USB1: variants seen among roughly 807,000 people sequenced by gnomAD.
The protein encoded by USB1 is U6 snRNA phosphodiesterase 1.
In USB1, 21 loss-of-function variants were observed where a neutral mutation model predicts 29.9. That is an observed-to-expected ratio of 0.70 (90% CI 0.50 to 1.01). USB1 has a LOEUF of 1.01. USB1 is among the 50% of genes least tolerant of loss of function. The pLI, the probability that USB1 is intolerant of heterozygous loss-of-function variation, is 0.00. For missense variants in USB1, 330 were observed against 347.1 expected (o/e 0.95, Z 0.39); for synonymous variants, 143 against 134.9 (o/e 1.06, Z -0.42).
chr16:58,009,849 C>G, intron 2 of USB1, 80 bp from the exon 3 acceptor site: 1 of 1,573,098 alleles, frequency 6.4e-7, no homozygotes, highest in Non-Finnish European at 8.7e-7. Context: ...AAGGACTTCC[C>G]TCTGCCTTCT....
rs1437254210 is a variant in USB1, at chr16:58,013,438, G to C, written c.450-835G>C. 1.0e-6 allele frequency: 1 copy of C among 985,372 alleles called. No homozygotes were observed. The highest frequency in any genetic ancestry group is 1.2e-6 in the Non-Finnish European group (1 of 829,998). 61.0% of individuals were successfully genotyped at this position (985,372 alleles called of 1,614,324 possible). A position where few individuals can be genotyped will look rare whatever the true frequency, so the allele number is the denominator to read the frequency against. The stretch of plus-strand genomic sequence containing the variant: ...CATGCTGGTATATTATGTTCCCTCA[G>C]ATGGGGGTGAGACCCTTGGCCTGGG... On this transcript the variant is annotated intron_variant, in intron 3 of 6. Transcript: ENST00000219281. The surrounding 1 kb of genome is among the most constrained non-coding windows in gnomAD (Gnocchi z 4.3).
At chr16:58,017,551 T>A in intron 5 of USB1, 112 bp downstream of exon 5, 1 of 977,680 alleles carries the variant, frequency 1.0e-6, no homozygotes, top group Non-Finnish European at 1.6e-6. Flanking sequence ...ACCTCCCGTG[T>A]CGGTGCTCTG....
chr16:58,012,712 C>T (rs1597051726), intron 3 of USB1: 3 of 1,090,500 alleles, frequency 2.8e-6, no homozygotes, highest in East Asian at 1.3e-4. Context: ...CCTTATCCTG[C>T]GGAAGCTCTG....
At chr16:58,010,353 C>T (rs1287733295) in intron 3 of USB1, among the ~76,000 whole-genome samples, 2 of 152,206 alleles carry the variant, frequency 1.3e-5, no homozygotes, top group Non-Finnish European at 2.9e-5. Flanking sequence ...TCTGTAAGCT[C>T]TTGCTCAGTA....
chr16:58,001,261 G>C, upstream of USB1: 1 of 620,438 alleles, frequency 1.6e-6, no homozygotes, highest in East Asian at 2.8e-5. Flanking sequence ...GGGGTGCCGG[G>C]AGGCTGCAGG....
chr16:58,011,529 C>T (rs1267764614), intron 3 of USB1: 7 of 1,005,064 alleles, frequency 7.0e-6, no homozygotes, highest in East Asian at 9.9e-5. Context: ...AGAATCCCTC[C>T]GTCCAGAGAT....
chr16:58,012,408 G>T, intron 3 of USB1: 1 of 1,402,098 alleles, frequency 7.1e-7, no homozygotes. Context: ...AGATTCAGAG[G>T]TAGCACTGGC....
intron 3 of USB1, chr16:58,014,027 C>A: frequency 2.0e-6 from 1 of 507,856 alleles, no homozygotes; most frequent in Non-Finnish European, 3.5e-6. Context: ...AAATGAACTG[C>A]TATTAACAAA....
chr16:58,009,949 C>A lies in USB1; in HGVS notation c.286C>A (p.Leu96Met). Residue 96 changes from leucine to methionine, a missense_variant, in exon 3 of 7, where the codon CTG becomes ATG. Transcript: ENST00000219281. ...TCCAGATGAAGCCAAGGAGGAGTTCCTGGATCTGCTTGATGTGTTGCTGCC... is the reference window on the plus strand; with the variant it reads ...TCCAGATGAAGCCAAGGAGGAGTTCATGGATCTGCTTGATGTGTTGCTGCC... Reference protein sequence around the residue: ...YVPYEAKEEFLDLLDVLLPHA... With the variant: ...YVPYEAKEEFMDLLDVLLPHA... 2 of 1,613,938 alleles carry A rather than the reference C, an allele frequency of 1.2e-6. No individual in the cohort carries two copies. Among genetic ancestry groups the A allele is most frequent in the South Asian group, 2.2e-5 (2 of 91,072 alleles).
intron 2 of USB1, among the ~76,000 whole-genome samples, chr16:58,003,608 T>G (rs1402987196): frequency 1.3e-5 from 2 of 152,240 alleles, no homozygotes; most frequent in Admixed American, 6.5e-5. Flanking sequence ...TGCATTTCCC[T>G]GATGACATAT....
chr16:58,012,415 T>C, intron 3 of USB1: 1 of 1,362,430 alleles, frequency 7.3e-7, no homozygotes, highest in Non-Finnish European at 1.0e-6. Flanking sequence ...GAGGTAGCAC[T>C]GGCTCATGCA....
chr16:58,003,538 G>A (rs947773389), intron 2 of USB1, among the ~76,000 whole-genome samples: 9 of 152,284 alleles, frequency 5.9e-5, no homozygotes, highest in African/African-American at 2.2e-4. Flanking sequence ...TATTGACAGT[G>A]TTCTGGAGTT....
intron 4 of USB1, among the ~76,000 whole-genome samples, chr16:58,014,922 C>CA (rs1354524785): frequency 6.6e-6 from 1 of 151,752 alleles, no homozygotes; most frequent in Non-Finnish European, 1.5e-5. Context: ...ACTAAAAATA[C>CA]AAAAAATTAG....
At chr16:58,016,518 A>G (rs1424000371) in intron 4 of USB1, 1 of 154,374 alleles carries the variant, frequency 6.5e-6, no homozygotes, top group Non-Finnish European at 1.4e-5. Flanking sequence ...TGGAGAGTGC[A>G]GATGGAGAAG....
At chr16:58,011,746 G>A (rs1963501979) in intron 3 of USB1, 16 of 987,480 alleles carry the variant, frequency 1.6e-5, no homozygotes, top group Non-Finnish European at 1.9e-5. Context: ...AGTCGTTCCT[G>A]TGTCCATCTT....
intron 2 of USB1, among the ~76,000 whole-genome samples, chr16:58,007,304 T>C (rs1963383647): frequency 6.6e-6 from 1 of 152,210 alleles, no homozygotes; most frequent in South Asian, 2.1e-4. Context: ...CCTTAAATGT[T>C]TGGTGGGATT....
chr16:58,005,227 A>C (rs1425077493), intron 2 of USB1, among the ~76,000 whole-genome samples: 1 of 152,090 alleles, frequency 6.6e-6, no homozygotes, highest in Non-Finnish European at 1.5e-5. Context: ...CCTCCAGATA[A>C]CTGCGGGCGG....
chr16:58,010,347 T>C (rs1385262694), intron 3 of USB1, among the ~76,000 whole-genome samples: 8 of 152,254 alleles, frequency 5.3e-5, no homozygotes, highest in Non-Finnish European at 1.2e-4. Flanking sequence ...TGTTTTTCTG[T>C]AAGCTCTTGC....
At chr16:58,016,938 GGGAGGC>G in intron 4 of USB1, 1 of 311,260 alleles carries the variant, frequency 3.2e-6, no homozygotes, top group South Asian at 3.0e-5. Context: ...GAGTGCTTGT[GGGAGGC>G]GTGGCAGATG....
Sources: allele counts gnomAD v4.1 joint callset (sites outside exome capture counted in the v4.1 genomes callset), GRCh38; gene constraint gnomAD v4.1.1; non-coding constraint Gnocchi (gnomAD v3.1); transcripts MANE v1.5; gene names NCBI Gene and HGNC (gene_info 2026-07-23, HGNC 2026-07-21).